The following CLIC5 variants were observed in gnomAD, a reference collection of about 807,000 sequenced individuals.
CLIC5 encodes the protein CLIC family member 5.
CLIC5 carries 20 observed loss-of-function variants against 24.7 expected under a neutral mutation model. The observed-to-expected ratio is 0.81, with a 90% CI of 0.57 to 1.18. The LOEUF (loss-of-function observed/expected upper bound fraction) is 1.18. CLIC5 is among the 50% of genes most tolerant of loss of function. CLIC5 has a pLI of 0.00. For missense variants in CLIC5, 341 were observed against 326.1 expected, an observed-to-expected ratio of 1.05 and a Z score of -0.35; for synonymous variants, 159 against 135.6, an observed-to-expected ratio of 1.17 and a Z score of -1.20.
rs551716764 is a variant in CLIC5, at chr6:46,029,524, G to A, written c.540+50179C>T. Among the ~76,000 whole-genome samples, 4 of 152,286 alleles carry A rather than the reference G, an allele frequency of 2.6e-5. No individual in the cohort carries two copies. In the East Asian group the frequency reaches 7.7e-4, roughly 29 times the overall value. On this transcript the variant is annotated intron_variant, in intron 1 of 5. Coordinates refer to the CLIC5 transcript ENST00000185206. ...CTGTGACTCTCCAATGTACCTTTAT[G>A]CCTTATCCTATATGTTGTCTCTCCT...
intron 1 of CLIC5, among the ~76,000 whole-genome samples, chr6:45,999,349 G>C (rs896565059): frequency 6.6e-6 from 1 of 152,150 alleles, no homozygotes; most frequent in African/African-American, 2.4e-5. Context: ...GATTTACACA[G>C]GAATATCATT....
At chr6:46,066,895 G>C (rs1762457790) in intron 1 of CLIC5, among the ~76,000 whole-genome samples, 1 of 152,140 alleles carries the variant, frequency 6.6e-6, no homozygotes, top group African/African-American at 2.4e-5. Flanking sequence ...GGCAAAGCTG[G>C]ATGGAGCAGA....
the CLIC5 span, among the ~76,000 whole-genome samples, chr6:46,114,105 G>A: frequency 6.6e-6 from 1 of 152,194 alleles, no homozygotes; most frequent in Non-Finnish European, 1.5e-5. Flanking sequence ...GGCAGAATGG[G>A]CTCCTGAAAG....
chr6:46,025,846 G>A (rs1767314943), intron 1 of CLIC5, among the ~76,000 whole-genome samples: 1 of 152,030 alleles, frequency 6.6e-6, no homozygotes, highest in Admixed American at 6.6e-5. Flanking sequence ...GAGATCTGAT[G>A]GTTTAAAAGT....
At chr6:45,946,477 C>A (rs1020203760) in intron 3 of CLIC5, among the ~76,000 whole-genome samples, 2 of 152,188 alleles carry the variant, frequency 1.3e-5, no homozygotes, top group Non-Finnish European at 2.9e-5. Context: ...GAAAAAGCCT[C>A]CCATAATGTG....
intron 5 of CLIC5, among the ~76,000 whole-genome samples, chr6:45,904,088 G>A (rs1014132861): frequency 6.6e-6 from 1 of 152,140 alleles, no homozygotes; most frequent in African/African-American, 2.4e-5. Context: ...AAAAGCATGG[G>A]CTCTGGATAC....
At chr6:46,009,359 T>C (rs1429392605) in intron 1 of CLIC5, among the ~76,000 whole-genome samples, 1 of 152,142 alleles carries the variant, frequency 6.6e-6, no homozygotes, top group African/African-American at 2.4e-5. Context: ...AAAGACACGT[T>C]TCCAAAGCAG....
At chr6:45,920,058 C>T (rs1763194278) in intron 4 of CLIC5, 2 of 573,700 alleles carry the variant, frequency 3.5e-6, no homozygotes, top group Non-Finnish European at 4.4e-6. Flanking sequence ...CTGACAGGTG[C>T]TGCAAAATGT....
At chr6:45,976,737 A>G (rs1264413590) in intron 1 of CLIC5, among the ~76,000 whole-genome samples, 1 of 152,224 alleles carries the variant, frequency 6.6e-6, no homozygotes, top group East Asian at 1.9e-4. Flanking sequence ...CTCAGTATTA[A>G]TAATCACTCC....
At chr6:45,999,086 T>C (rs2144163) in intron 1 of CLIC5, among the ~76,000 whole-genome samples, 50,303 of 152,002 alleles carry the variant, frequency 0.33, 8,533 homozygotes, top group Middle Eastern at 0.45. Context: ...AGCAGAGTCC[T>C]TTTGGAACCT....
chr6:45,958,447 T>TACACACACACACACACACACAC lies in CLIC5; in HGVS notation c.64-3204_64-3203insGTGTGTGTGTGTGTGTGTGTGT, dbSNP rs1446493409. 9.3e-4 allele frequency among the ~76,000 whole-genome samples: 67 copies of TACACACACACACACACACACAC among 72,244 alleles called. 4 individuals are homozygous for TACACACACACACACACACACAC. Among genetic ancestry groups the TACACACACACACACACACACAC allele is most frequent in the African/African-American group, 1.7e-3 (33 of 19,920 alleles). The allele number at this position is 72,244 out of a possible 152,430, so 47.4% of individuals were successfully genotyped here. Reference sequence around the variant, plus strand: ...TTATATATATATATATATATATATATATATATATATATATATATATATATA... The same window carrying TACACACACACACACACACACAC: ...TTATATATATATATATATATATATATACACACACACACACACACACACATATATATATATATATATATATATA... On this transcript the variant is annotated intron_variant, in intron 1 of 5. Coordinates refer to ENST00000339561, the MANE Select transcript of CLIC5 (RefSeq NM_016929.5).
At chr6:46,105,533 A>AT in the CLIC5 span, among the ~76,000 whole-genome samples, 2 of 151,940 alleles carry the variant, frequency 1.3e-5, no homozygotes, top group Admixed American at 1.3e-4. Flanking sequence ...TCTCCTCCCT[A>AT]TGCTGTCTTT....
chr6:46,075,316 C>T (rs565537626), intron 1 of CLIC5, among the ~76,000 whole-genome samples: 2 of 152,160 alleles, frequency 1.3e-5, no homozygotes, highest in African/African-American at 2.4e-5. Flanking sequence ...GCTTGTAATC[C>T]TAGCATTTTG....
chr6:45,983,209 A>C (rs994288127), intron 1 of CLIC5, among the ~76,000 whole-genome samples: 1 of 152,192 alleles, frequency 6.6e-6, no homozygotes, highest in African/African-American at 2.4e-5. Flanking sequence ...TCTAAAGTTC[A>C]TGCAGCAGCA....
chr6:45,988,423 C>T (rs929268801), intron 1 of CLIC5, among the ~76,000 whole-genome samples: 2 of 152,138 alleles, frequency 1.3e-5, no homozygotes, highest in African/African-American at 4.8e-5. Flanking sequence ...TATTTTTTCT[C>T]AGTCCACTAA....
intron 4 of CLIC5, chr6:45,920,079 C>T (rs950199916): frequency 7.8e-6 from 6 of 771,756 alleles, no homozygotes; most frequent in Non-Finnish European, 9.5e-6. Context: ...TCTCATTCCC[C>T]TGACAAAAGA....
intron 1 of CLIC5, among the ~76,000 whole-genome samples, chr6:46,060,042 G>A (rs1180186641): frequency 2.6e-5 from 4 of 152,124 alleles, no homozygotes; most frequent in African/African-American, 9.7e-5. Context: ...TGAATATGTA[G>A]TTTTCCCAGC....
At chr6:46,084,188 T>C (rs938088899), upstream of CLIC5, among the ~76,000 whole-genome samples, 4 of 152,136 alleles carry the variant, frequency 2.6e-5, no homozygotes, top group Non-Finnish European at 5.9e-5. Context: ...TGAGATGGGT[T>C]TCCTGAATAC....
chr6:45,940,682 G>A lies in CLIC5; in HGVS notation c.406+865C>T, dbSNP rs1330529643. Among the ~76,000 whole-genome samples the A allele has an allele frequency of 2.0e-5, 3 of 152,176 alleles. No individual in the cohort carries two copies. In the East Asian group the frequency reaches 5.8e-4, roughly 29 times the overall value. ...GCTGGACTCCAGTCATCCAGCCTGT[G>A]AGGCTGTCCTGTCATCCCATTCTGA... On this transcript the variant is annotated intron_variant, in intron 4 of 5. Coordinates refer to ENST00000339561, the MANE Select transcript of CLIC5 (RefSeq NM_016929.5).
Sources: allele counts gnomAD v4.1 joint callset (sites outside exome capture counted in the v4.1 genomes callset), GRCh38; gene constraint gnomAD v4.1.1; transcripts MANE v1.5; gene names NCBI Gene and HGNC (gene_info 2026-07-23, HGNC 2026-07-21).